The following LILRB2 variants were observed in gnomAD, a reference collection of about 807,000 sequenced individuals.
LILRB2 encodes the protein leukocyte immunoglobulin-like receptor subfamily B member 2.
A neutral mutation model predicts 72.7 loss-of-function variants in LILRB2; 47 were observed. That is an observed-to-expected ratio of 0.65 (90% CI 0.51 to 0.82). The LOEUF is 0.82. LILRB2 is among the 40% of genes least tolerant of loss of function. The pLI, the probability that LILRB2 is intolerant of heterozygous loss-of-function variation, is 0.00. For missense variants in LILRB2, 767 were observed against 764.8 expected (o/e 1.00, Z -0.03); for synonymous variants, 279 against 313.7 (o/e 0.89, Z 1.17).
In LILRB2 at chr19:54,276,943, A is replaced by G. The variant is rs1302873078; in HGVS notation, c.1358-14T>C. 2.0e-5 allele frequency: 32 copies of G among 1,610,634 alleles called. No individual in the cohort carries two copies. Among genetic ancestry groups the G allele is most frequent in the Non-Finnish European group, 2.5e-5 (30 of 1,178,266 alleles). ...GCCTTCCCAGACCTTGAGCACGATG[A>G]TGTCAGGGATGGGGGTGATGTCATT... On this transcript the variant is annotated splice_polypyrimidine_tract_variant and intron_variant, in intron 9 of 13. Transcript: ENST00000314446.
At chr19:54,275,021 C>G (rs2080157657) in intron 13 of LILRB2, 192 bp from the exon 14 acceptor site, 2 of 1,608,556 alleles carry the variant, frequency 1.2e-6, no homozygotes, top group East Asian at 4.5e-5. Context: ...GAGTGTTTCA[C>G]CGGGGCATAT....
chr19:54,279,380 G>C lies in LILRB2; in HGVS notation c.623C>G (p.Ser208Cys), dbSNP rs754220797. ...GAGCTCCAGGAGATCACTGGGTGAAGACCACACATAGGGAGAGTTCAAGTC... is the reference window on the plus strand; with the variant it reads ...GAGCTCCAGGAGATCACTGGGTGAACACCACACATAGGGAGAGTTCAAGTC... The part of the protein sequence containing the change: ...GYDLNSPYVW[S>C]SPSDLLELLV... Residue 208 changes from serine to cysteine, a missense_variant, in exon 5 of 14, where the codon TCT (serine) becomes TGT (cysteine). Transcript: ENST00000314446. The C allele has an allele frequency of 1.2e-6, 2 of 1,613,994 alleles. No individual in the cohort carries two copies. The highest frequency in any genetic ancestry group is 1.6e-4 in the Middle Eastern group (1 of 6,062).
rs1329115633 is a variant in LILRB2, at chr19:54,278,853, T to C, written c.914A>G (p.Glu305Gly). The C allele has an allele frequency of 9.9e-6, 16 of 1,613,098 alleles. No individual in the cohort carries two copies. The highest frequency in any genetic ancestry group is 4.0e-5 in the African/African-American group (3 of 74,852). The change falls in exon 6 of 14, where the codon GAG (glutamate) becomes GGG (glycine). Residue 305 changes from glutamate (E) to glycine (G), a missense_variant. Coordinates refer to ENST00000314446, the MANE Select transcript of LILRB2 (RefSeq NM_001080978.4). ...CAGGGGGTCGCTGGGGGCCGAGCAC[T>C]CAGAGGAGAGGTTGTGTGCACCGTA... ...RCYGAHNLSSECSAPSDPLDI... is the reference protein window; with the variant it reads ...RCYGAHNLSSGCSAPSDPLDI...
chr19:54,280,659 G>A, intron 1 of LILRB2, 115 bp from the exon 2 acceptor site: 1 of 1,423,076 alleles, frequency 7.0e-7, no homozygotes, highest in Middle Eastern at 1.8e-4. Context: ...CACACAAGAA[G>A]CGGAACTGCC....
intron 7 of LILRB2, 104 bp from the exon 8 acceptor site, chr19:54,278,043 C>T: frequency 8.9e-7 from 1 of 1,126,182 alleles, no homozygotes; most frequent in East Asian, 2.6e-5. Context: ...CCAGGCCCCT[C>T]CCTCCACCCG....
At chr19:54,280,371 G>C in intron 2 of LILRB2, 72 bp from the exon 3 acceptor site, 1 of 1,614,068 alleles carries the variant, frequency 6.2e-7, no homozygotes, top group Non-Finnish European at 8.5e-7. Context: ...TGGGATCTTT[G>C]TGAGCCCCTG....
chr19:54,274,985 G>T, intron 13 of LILRB2, 156 bp from the exon 14 acceptor site: 1 of 1,610,054 alleles, frequency 6.2e-7, no homozygotes, highest in Non-Finnish European at 8.5e-7. Context: ...GGGGAGGGAG[G>T]AGAGGCCATT....
Position 54,278,702 on chromosome 19 carries a change from T to TCC in LILRB2, c.955+108_955+109dup, listed in dbSNP as rs1601114853. ...CATCCCCTGTCTCTCTCTCTGTCTC[T>TCC]CCCTCCCTTGGGACCACCCCCCGCC... is the stretch of plus-strand genomic sequence containing the variant. On this transcript the variant is annotated intron_variant, in intron 6 of 13. Coordinates refer to ENST00000314446, the MANE Select transcript of LILRB2 (RefSeq NM_001080978.4). 10 of 1,424,292 alleles carry TCC rather than the reference T, an allele frequency of 7.0e-6. No individual in the cohort carries two copies. The East Asian group carries it at 2.4e-4, about 34-fold the overall frequency. The allele number at this position is 1,424,292 out of a possible 1,614,324, so 88.2% of individuals were successfully genotyped here. A position where few individuals can be genotyped will look rare whatever the true frequency, so the allele number is the denominator to read the frequency against.
chr19:54,280,688 T>A, intron 1 of LILRB2, 144 bp from the exon 2 acceptor site: 2 of 1,111,282 alleles, frequency 1.8e-6, no homozygotes, highest in Non-Finnish European at 2.6e-6. Context: ...AGCCTGACTC[T>A]CATTCTTTTA....
chr19:54,275,948 C>T lies in LILRB2; in HGVS notation c.1647+3G>A, dbSNP rs562421366. 4 of 1,614,074 alleles carry T rather than the reference C, an allele frequency of 2.5e-6. No individual in the cohort carries two copies. In the African/African-American group the frequency reaches 4.0e-5, roughly 16 times the overall value. On this transcript the variant is annotated splice_donor_region_variant and intron_variant, in intron 13 of 13. Coordinates refer to ENST00000314446, the MANE Select transcript of LILRB2 (RefSeq NM_001080978.4). ...GGTGCCTGGGACAGGGGCGGGGTCT[C>T]ACCCGAGTGTCCATCTCCACCCCAT...
chr19:54,278,747 T>C lies in LILRB2; in HGVS notation c.955+65A>G, dbSNP rs931736067. The C allele has an allele frequency of 1.5e-5, 23 of 1,495,236 alleles. No individual in the cohort carries two copies. In the East Asian group the frequency reaches 2.9e-4, roughly 19 times the overall value. The allele number at this position is 1,495,236 out of a possible 1,614,324, so 92.6% of individuals were successfully genotyped here. ...CCCGCCTCATCCTGGCCATCACTAA[T>C]TGGATTCCCCCGGCAGGGCCTGTGC... is the stretch of plus-strand genomic sequence containing the variant. On this transcript the variant is annotated intron_variant, in intron 6 of 13. Transcript: ENST00000314446.
rs1243504384 is a variant in LILRB2, at chr19:54,278,490, A to AT, written c.1027_1028insA (p.Leu343HisfsTer21). ...GAACTGCCGCCATGACTGACACAGC[A>AT]GGGTCACGTTCTCTCCTGAGGCCAC... is the stretch of plus-strand genomic sequence containing the variant. On this transcript the variant is annotated frameshift_variant, in exon 7 of 14. Coordinates refer to ENST00000314446, the MANE Select transcript of LILRB2 (RefSeq NM_001080978.4). LOFTEE classifies it high-confidence loss of function. 6.2e-7 allele frequency: 1 copy of AT among 1,614,236 alleles called. No individual in the cohort carries two copies. The highest frequency in any genetic ancestry group is 2.2e-5 in the East Asian group (1 of 44,876).
chr19:54,278,783 T>TCC lies in LILRB2; in HGVS notation c.955+27_955+28dup, dbSNP rs759377495. 100 of 1,609,846 alleles carry TCC rather than the reference T, an allele frequency of 6.2e-5. 1 individual carries two copies. The East Asian group carries it at 2.2e-3, about 35-fold the overall frequency. On this transcript the variant is annotated intron_variant, in intron 6 of 13. Transcript: ENST00000314446. ...CGGCAGGGCCTGTGCAGAGTCTGGG[T>TCC]CCCTGACTGAACCCGCTGGGCTCCT...
In LILRB2 at chr19:54,279,025, C is replaced by G; in HGVS notation, c.742G>C (p.Asp248His). The change falls in exon 6 of 14, where the codon GAT (aspartate) becomes CAT (histidine). Residue 248 changes from aspartate to histidine, a missense_variant. Asp to His is a moderately conservative substitution (Grantham distance 81). Around this residue, in one of 3 missense-constraint regions of LILRB2, gnomAD observed 599 missense variants for 568.2 expected, o/e 1.05. Coordinates refer to ENST00000314446, the MANE Select transcript of LILRB2 (RefSeq NM_001080978.4). ...GESLTLQCVSDVGYDRFVLYK... is the reference protein window; with the variant it reads ...GESLTLQCVSHVGYDRFVLYK... ...AGAACAAATCTGTCATAGCCGACATCAGAGACACACTGGAGGGTCAGGCTT... is the reference window on the plus strand; with the variant it reads ...AGAACAAATCTGTCATAGCCGACATGAGAGACACACTGGAGGGTCAGGCTT... 1 of 1,614,204 alleles carries G rather than the reference C, an allele frequency of 6.2e-7. No homozygotes were observed. Among genetic ancestry groups the G allele is most frequent in the South Asian group, 1.1e-5 (1 of 91,090 alleles).
chr19:54,280,415 G>T (rs753495575), intron 2 of LILRB2, 48 bp downstream of exon 2: 10 of 1,614,058 alleles, frequency 6.2e-6, no homozygotes, highest in Non-Finnish European at 8.5e-6. Context: ...TGGCTGTGGG[G>T]TGAGGTCCCT....
chr19:54,278,037 G>A (rs986027308), intron 7 of LILRB2, 98 bp from the exon 8 acceptor site: 2 of 1,141,866 alleles, frequency 1.8e-6, no homozygotes, highest in Admixed American at 2.9e-5. Context: ...GCCTCCCCAG[G>A]CCCCTCCCTC....
intron 5 of LILRB2, 113 bp from the exon 6 acceptor site, chr19:54,279,221 A>G: frequency 1.3e-6 from 2 of 1,540,156 alleles, no homozygotes; most frequent in Non-Finnish European, 8.8e-7. Context: ...TGGCCCCAGG[A>G]CCCCTGAGCC....
Position 54,275,998 on chromosome 19 carries a change from C to T in LILRB2, c.1600G>A (p.Ala534Thr), listed in dbSNP as rs755507820. Residue 534 changes from alanine to threonine, a missense_variant, in exon 13 of 14, where the codon GCC becomes ACC. Ala to Thr is a moderately conservative substitution (Grantham distance 58). Coordinates refer to ENST00000314446, the MANE Select transcript of LILRB2 (RefSeq NM_001080978.4). ...TCTTCAGGCTGTGTGTCCTTCACGG[C>T]AGCATCTGCTGGGGCAGAGCAAGGG... ...ADAQEENLYA[A>T]VKDTQPEDGV... The T allele has an allele frequency of 6.2e-7, 1 of 1,614,142 alleles. No individual in the cohort carries two copies. Among genetic ancestry groups the T allele is most frequent in the Non-Finnish European group, 8.5e-7 (1 of 1,179,970 alleles).
chr19:54,280,916 C>T (rs1461787581), intron 1 of LILRB2, 45 bp downstream of exon 1: 9 of 1,303,484 alleles, frequency 6.9e-6, no homozygotes, highest in South Asian at 1.2e-5. Context: ...TGGTCACCCT[C>T]CCTCCTTCAG....
Sources: gnomAD v4.1 joint callset for allele counts on GRCh38, gnomAD v4.1.1 for gene constraint, gnomAD v4.1.1 regional missense constraint, MANE v1.5 for transcripts, NCBI Gene and HGNC (gene_info 2026-07-23, HGNC 2026-07-21) for gene names.